Variants in SMG7 observed in about 807,000 individuals in gnomAD.
SMG7 encodes nonsense-mediated mRNA decay factor SMG7.
Under a neutral mutation model 148.2 loss-of-function variants are expected in SMG7, and 34 were observed. The ratio of observed to expected loss-of-function variants is 0.23; its 90% CI spans 0.17 to 0.31. The LOEUF (loss-of-function observed/expected upper bound fraction) is 0.31. SMG7 is among the 10% of genes least tolerant of loss of function. SMG7 has a pLI of 1.00. For missense variants in SMG7, 1,114 were observed against 1,408.4 expected (o/e 0.79, Z 3.35); for synonymous variants, 492 against 515.1 (o/e 0.96, Z 0.61).
intron 8 of SMG7, among the ~76,000 whole-genome samples, chr1:183,532,342 G>A (rs1667015076): frequency 6.6e-6 from 1 of 152,170 alleles, no homozygotes; most frequent in African/African-American, 2.4e-5. Flanking sequence ...AGTGTAGGAT[G>A]AAACTAGGAA....
intron 4 of SMG7, among the ~76,000 whole-genome samples, chr1:183,519,007 G>C (rs1664171645): frequency 6.6e-6 from 1 of 152,110 alleles, no homozygotes; most frequent in South Asian, 2.1e-4. Flanking sequence ...AACACTTTGG[G>C]AAGCCAAGGT....
chr1:183,522,381 G>T (rs180808939), intron 4 of SMG7, among the ~76,000 whole-genome samples: 21 of 152,298 alleles, frequency 1.4e-4, no homozygotes, highest in Non-Finnish European at 2.9e-5. Context: ...GAAGCCAAGA[G>T]AAAAACATCT....
chr1:183,494,756 C>CTT (rs141159130), intron 1 of SMG7, among the ~76,000 whole-genome samples: 337 of 15,296 alleles, frequency 0.022, 144 homozygotes, highest in Non-Finnish European at 0.031. Flanking sequence ...AGCCCTTGTT[C>CTT]TTTTTTTTTT....
chr1:183,552,759 A>T lies in SMG7; in HGVS notation c.*828A>T, dbSNP rs1671261042. The T allele has an allele frequency of 2.2e-6, 3 of 1,387,560 alleles. No homozygotes were observed. The highest frequency in any genetic ancestry group is 2.8e-6 in the Non-Finnish European group (3 of 1,072,880). The allele number at this position is 1,387,560 out of a possible 1,614,324, so 86.0% of individuals were successfully genotyped here. A position where few individuals can be genotyped will look rare whatever the true frequency, so the allele number is the denominator to read the frequency against. The stretch of plus-strand genomic sequence containing the variant: ...TGATTCCTGTACATTTTACAGTCGC[A>T]CAGCAAGCAGTCTCACAGAAGGCAG... On this transcript the variant is annotated 3_prime_UTR_variant, in exon 23 of 23. Transcript: ENST00000688051.
Position 183,533,882 on chromosome 1 carries a change from T to G in SMG7, c.1163+50T>G, listed in dbSNP as rs762961881. On this transcript the variant is annotated intron_variant, in intron 10 of 22. Coordinates refer to ENST00000688051, the MANE Select transcript of SMG7 (RefSeq NM_001375584.1). ...TAACTTGTGTGCTTTGTTTGTTTGA[T>G]ATCCATAAATATGTAAAAACTGCCT... 12 of 1,477,356 alleles carry G rather than the reference T, an allele frequency of 8.1e-6. No homozygotes were observed. In the South Asian group the frequency reaches 1.4e-4, roughly 18 times the overall value. 91.5% of individuals were successfully genotyped at this position (1,477,356 alleles called of 1,614,324 possible). A position where few individuals can be genotyped will look rare whatever the true frequency, so the allele number is the denominator to read the frequency against.
chr1:183,491,910 T>C (rs1369893253), intron 1 of SMG7, among the ~76,000 whole-genome samples: 1 of 152,168 alleles, frequency 6.6e-6, no homozygotes, highest in Non-Finnish European at 1.5e-5. Context: ...GGACAAATGC[T>C]GTGTCCACAT....
intron 15 of SMG7, among the ~76,000 whole-genome samples, 156 bp downstream of exon 15, chr1:183,544,653 G>A (rs1415380586): frequency 1.3e-5 from 2 of 152,104 alleles, no homozygotes; most frequent in African/African-American, 4.8e-5. Flanking sequence ...AACTGTTTGT[G>A]TGTAGTGTAC....
At position 183,474,775 on chromosome 1, in the gene SMG7, C is replaced by T. The variant is rs541324338; in HGVS notation, c.29+2126C>T. On this transcript the variant is annotated intron_variant, in intron 1 of 22. Coordinates refer to ENST00000688051, the MANE Select transcript of SMG7 (RefSeq NM_001375584.1). ...AATAGAAAAAGAACAACTCCACCCT[C>T]CTTTTACAGAGCTTACACTTTGTTA... Among the ~76,000 whole-genome samples, 21 of 152,306 alleles carry T rather than the reference C, an allele frequency of 1.4e-4. 1 individual carries two copies. In the South Asian group the frequency reaches 4.4e-3, roughly 32 times the overall value.
chr1:183,502,421 A>G (rs1659941718), intron 1 of SMG7: 4 of 1,504,146 alleles, frequency 2.7e-6, no homozygotes, highest in Non-Finnish European at 3.6e-6. Flanking sequence ...GGATTTCTAC[A>G]TGTTTTTATT....
intron 1 of SMG7, among the ~76,000 whole-genome samples, chr1:183,508,903 CTT>C (rs1661553037): frequency 6.6e-6 from 1 of 152,196 alleles, no homozygotes; most frequent in Non-Finnish European, 1.5e-5. Flanking sequence ...TAAAAACAGA[CTT>C]TTACTCTGCA....
At chr1:183,551,234 A>C (rs1437165236) in intron 22 of SMG7, 44 bp downstream of exon 22, 2 of 1,525,464 alleles carry the variant, frequency 1.3e-6, no homozygotes, top group Non-Finnish European at 8.8e-7. Flanking sequence ...TATTACAGCA[A>C]AGGTGTCTCT....
intron 1 of SMG7, among the ~76,000 whole-genome samples, chr1:183,509,938 A>G (rs951246178): frequency 1.3e-5 from 2 of 152,182 alleles, no homozygotes; most frequent in Non-Finnish European, 2.9e-5. Context: ...CTGACAGCTT[A>G]TAAGAAAAGC....
chr1:183,495,488 C>T (rs993159221), intron 1 of SMG7, among the ~76,000 whole-genome samples: 9 of 152,140 alleles, frequency 5.9e-5, no homozygotes, highest in African/African-American at 9.7e-5. Flanking sequence ...AAAGAACTTA[C>T]GCTAGAAGCT....
At chr1:183,530,390 G>C (rs1014896974) in intron 8 of SMG7, among the ~76,000 whole-genome samples, 3 of 152,136 alleles carry the variant, frequency 2.0e-5, no homozygotes, top group South Asian at 4.1e-4. Flanking sequence ...ACAGGTAATC[G>C]CTTTTTGGTT....
intron 1 of SMG7, among the ~76,000 whole-genome samples, chr1:183,505,055 AT>A (rs937001721): frequency 6.8e-6 from 1 of 147,566 alleles, no homozygotes; most frequent in African/African-American, 2.5e-5. Flanking sequence ...CAACCTATTC[AT>A]TTCTTCCACC....
intron 6 of SMG7, 74 bp downstream of exon 6, chr1:183,528,101 C>G (rs1053009969): frequency 7.1e-6 from 8 of 1,123,508 alleles, no homozygotes; most frequent in Non-Finnish European, 1.0e-5. Flanking sequence ...TAACTCAGGG[C>G]TCACCTTTGA....
At chr1:183,479,580 A>G (rs1433781056) in intron 1 of SMG7, among the ~76,000 whole-genome samples, 1 of 152,186 alleles carries the variant, frequency 6.6e-6, no homozygotes, top group Non-Finnish European at 1.5e-5. Context: ...GTAATAGGCT[A>G]GTTACCATAG....
chr1:183,478,644 G>A (rs1653282642), intron 1 of SMG7, among the ~76,000 whole-genome samples: 1 of 152,134 alleles, frequency 6.6e-6, no homozygotes, highest in African/African-American at 2.4e-5. Flanking sequence ...CACTAGTATT[G>A]CAAGTTTCAT....
Position 183,526,699 on chromosome 1 carries a change from T to C in SMG7, c.416T>C (p.Ile139Thr). Residue 139 changes from isoleucine to threonine, a missense_variant, in exon 5 of 23, where the codon ATA becomes ACA. Ile to Thr is a moderately conservative substitution (Grantham distance 89). Coordinates refer to ENST00000688051, the MANE Select transcript of SMG7 (RefSeq NM_001375584.1). Reference protein sequence around the residue: ...ISNKQTHTSAIVKPQSSSCSY... With the variant: ...ISNKQTHTSATVKPQSSSCSY... Reference sequence around the variant, plus strand: ...AATAAACAGACGCATACCAGCGCCATAGTGAAGCCACAGTCTAGCTCCTGT... The same window carrying C: ...AATAAACAGACGCATACCAGCGCCACAGTGAAGCCACAGTCTAGCTCCTGT... 1.2e-6 allele frequency: 2 copies of C among 1,613,872 alleles called. No homozygotes were observed. The highest frequency in any genetic ancestry group is 1.7e-6 in the Non-Finnish European group (2 of 1,179,854).
Sources: gnomAD v4.1 joint callset for allele counts (sites outside exome capture counted in the v4.1 genomes callset) on GRCh38, gnomAD v4.1.1 for gene constraint, MANE v1.5 for transcripts, NCBI Gene and HGNC (gene_info 2026-07-23, HGNC 2026-07-21) for gene names.